Variants in SAMSN1 observed in about 807,000 individuals in gnomAD.
SAMSN1 encodes SAM domain-containing protein SAMSN-1.
Under a neutral mutation model 42.0 loss-of-function variants are expected in SAMSN1, and 31 were observed. The observed-to-expected ratio is 0.74, with a 90% CI of 0.55 to 1.00. SAMSN1 has a LOEUF of 1.00. SAMSN1 is among the 50% of genes least tolerant of loss of function. SAMSN1 has a pLI of 0.00. For missense variants in SAMSN1, 464 were observed against 439.4 expected, an observed-to-expected ratio of 1.06 and a Z score of -0.50; for synonymous variants, 178 against 151.9, an observed-to-expected ratio of 1.17 and a Z score of -1.26.
intron 5 of SAMSN1, among the ~76,000 whole-genome samples, chr21:14,509,139 AAAAAG>A (rs146115046): frequency 0.032 from 4,909 of 151,242 alleles, 257 homozygotes; most frequent in African/African-American, 0.11. Context: ...AAAGAAAAGA[AAAAAG>A]AAAAGAAAAG....
At chr21:14,541,372 C>G (rs117008988) in intron 1 of SAMSN1, among the ~76,000 whole-genome samples, 1 of 151,446 alleles carries the variant, frequency 6.6e-6, no homozygotes, top group African/African-American at 2.4e-5. Context: ...ATACTTGAAC[C>G]AGGCTGTATG....
intron 4 of SAMSN1, among the ~76,000 whole-genome samples, chr21:14,611,761 C>T (rs9974600): frequency 0.017 from 2,565 of 152,204 alleles, 80 homozygotes; most frequent in African/African-American, 0.058. Flanking sequence ...CTGATTAAAA[C>T]GCAGATATCC....
At chr21:14,525,089 A>G (rs1978756106) in intron 1 of SAMSN1, among the ~76,000 whole-genome samples, 1 of 152,220 alleles carries the variant, frequency 6.6e-6, no homozygotes, top group South Asian at 2.1e-4. Context: ...TTCATACTTC[A>G]GCTAATCAAT....
In SAMSN1 at chr21:14,517,047, T is replaced by C; in HGVS notation, c.130-6A>G. On this transcript the variant is annotated splice_region_variant and splice_polypyrimidine_tract_variant and intron_variant, in intron 2 of 7. Transcript: ENST00000400566. The stretch of plus-strand genomic sequence containing the variant: ...GTGGGATCTCCTTCATGTGCCTAGT[T>C]TAGAATTGTTTACAAAAGACAAAAT... 6.3e-7 allele frequency: 1 copy of C among 1,597,926 alleles called. No individual in the cohort carries two copies. The highest frequency in any genetic ancestry group is 1.8e-5 in the Admixed American group (1 of 55,954).
chr21:14,571,146 A>G (rs528773929), intron 2 of SAMSN1, among the ~76,000 whole-genome samples: 1 of 152,286 alleles, frequency 6.6e-6, no homozygotes, highest in East Asian at 1.9e-4. Context: ...CAAAGCTGGC[A>G]TTTCATGTTT....
chr21:14,553,067 T>C (rs1427939056), intron 2 of SAMSN1, among the ~76,000 whole-genome samples: 1 of 152,114 alleles, frequency 6.6e-6, no homozygotes, highest in Non-Finnish European at 1.5e-5. Flanking sequence ...TGTTTCTAGT[T>C]GGTTAGATTT....
At chr21:14,547,574 A>C (rs922277275), upstream of SAMSN1, among the ~76,000 whole-genome samples, 2 of 152,214 alleles carry the variant, frequency 1.3e-5, no homozygotes, top group Non-Finnish European at 2.9e-5. Context: ...ATTTCTGTTT[A>C]TAAATCCTCT....
At chr21:14,583,092 G>T (rs1203769560) in intron 1 of SAMSN1, among the ~76,000 whole-genome samples, 1 of 152,128 alleles carries the variant, frequency 6.6e-6, no homozygotes, top group Non-Finnish European at 1.5e-5. Context: ...AAGTTCATTT[G>T]TGAGATCTAT....
intron 4 of SAMSN1, among the ~76,000 whole-genome samples, chr21:14,611,178 T>G (rs1211183243): frequency 1.3e-5 from 2 of 152,144 alleles, no homozygotes; most frequent in Non-Finnish European, 2.9e-5. Context: ...CTCTAGATTC[T>G]CCATCATTTC....
rs759123850 is a variant in SAMSN1 at position 14,602,255 on chromosome 21, CT to C, written c.323-157del. Among the ~76,000 whole-genome samples the C allele has an allele frequency of 6.5e-3, 975 of 150,096 alleles. 7 individuals carry two copies. The highest frequency in any genetic ancestry group is 0.014 in the Middle Eastern group (4 of 294). On this transcript the variant is annotated intron_variant, in intron 5 of 15. Transcript: ENST00000647101. Reference sequence around the variant, plus strand: ...TTTTTGTTAAATATATGCTATTTTTCTTTTTTTTTAACAAGAAACAGATCAA... The same window carrying C: ...TTTTTGTTAAATATATGCTATTTTTCTTTTTTTTAACAAGAAACAGATCAA...
At chr21:14,620,315 T>G (rs1310204349) in intron 2 of SAMSN1, among the ~76,000 whole-genome samples, 1 of 152,158 alleles carries the variant, frequency 6.6e-6, no homozygotes, top group East Asian at 1.9e-4. Flanking sequence ...GTTCTCGTGA[T>G]ACTGAGTGAG....
intron 2 of SAMSN1, among the ~76,000 whole-genome samples, chr21:14,624,389 TAAA>T (rs892691462): frequency 6.6e-6 from 1 of 151,314 alleles, no homozygotes; most frequent in Non-Finnish European, 1.5e-5. Context: ...GCAAGACTAA[TAAA>T]GAAGAAAAGA....
chr21:14,525,172 C>T (rs1947326870), intron 1 of SAMSN1, among the ~76,000 whole-genome samples: 1 of 152,172 alleles, frequency 6.6e-6, no homozygotes, highest in Non-Finnish European at 1.5e-5. Flanking sequence ...CAATGATCAT[C>T]AATGGCCACT....
intron 2 of SAMSN1, among the ~76,000 whole-genome samples, chr21:14,567,705 T>C (rs755313324): frequency 1.3e-5 from 2 of 151,922 alleles, no homozygotes; most frequent in Non-Finnish European, 2.9e-5. Context: ...GTGTTCTTAG[T>C]GTGAGGTCCT....
intron 2 of SAMSN1, among the ~76,000 whole-genome samples, chr21:14,571,466 G>A (rs1044958371): frequency 5.9e-5 from 9 of 152,244 alleles, no homozygotes; most frequent in African/African-American, 2.2e-4. Flanking sequence ...GATGCATAAA[G>A]ATCTTACACT....
At chr21:14,512,277 G>A (rs1337599957) in intron 4 of SAMSN1, among the ~76,000 whole-genome samples, 167 bp downstream of exon 4, 1 of 152,084 alleles carries the variant, frequency 6.6e-6, no homozygotes, top group Non-Finnish European at 1.5e-5. Context: ...AATATATTAT[G>A]TATTATTTAA....
intron 6 of SAMSN1, among the ~76,000 whole-genome samples, chr21:14,600,059 G>A (rs1982387834): frequency 1.3e-5 from 2 of 152,074 alleles, no homozygotes; most frequent in African/African-American, 4.8e-5. Flanking sequence ...GCCTTTTTAA[G>A]TAATACTCCA....
intron 5 of SAMSN1, 51 bp from the exon 6 acceptor site, chr21:14,500,786 A>AC: frequency 7.4e-7 from 1 of 1,357,970 alleles, no homozygotes; most frequent in Non-Finnish European, 1.0e-6. Flanking sequence ...CCTCACTGAT[A>AC]GAAAGAATGA....
intron 1 of SAMSN1, among the ~76,000 whole-genome samples, chr21:14,545,240 A>T (rs7277560): frequency 0.27 from 41,791 of 151,982 alleles, 6,051 homozygotes; most frequent in African/African-American, 0.37. Flanking sequence ...AATATTGACC[A>T]TTGTTCAATG....
Sources: gnomAD v4.1 joint callset for allele counts (sites outside exome capture counted in the v4.1 genomes callset) on GRCh38, gnomAD v4.1.1 for gene constraint, MANE v1.5 for transcripts, NCBI Gene and HGNC (gene_info 2026-07-23, HGNC 2026-07-21) for gene names.